TSNARE1: variants seen among roughly 807,000 people sequenced by gnomAD.
TSNARE1 encodes the protein t-SNARE domain-containing protein 1.
A neutral mutation model predicts 62.0 loss-of-function variants in TSNARE1; 49 were observed. The observed-to-expected ratio is 0.79, with a 90% confidence interval of 0.63 to 1.00. The LOEUF is 1.00. Ranked by LOEUF, TSNARE1 falls within the 50% of genes least tolerant of loss-of-function variation. The pLI, the probability that TSNARE1 is intolerant of heterozygous loss-of-function variation, is 0.00. For missense variants in TSNARE1, 755 were observed against 700.1 expected, an observed-to-expected ratio of 1.08 and a Z score of -0.88; for synonymous variants, 328 against 294.4, an observed-to-expected ratio of 1.11 and a Z score of -1.17.
chr8:142,287,609 T>A (rs79417621), intron 10 of TSNARE1, among the ~76,000 whole-genome samples: 138 of 50,196 alleles, frequency 2.7e-3, no homozygotes, highest in African/African-American at 6.3e-3. Context: ...GCCCTCCAGG[T>A]CGTGGAACCC....
intron 1 of TSNARE1, among the ~76,000 whole-genome samples, chr8:142,380,868 A>C (rs1295715796): frequency 6.6e-6 from 1 of 152,044 alleles, no homozygotes; most frequent in Non-Finnish European, 1.5e-5. Context: ...AAGTGAGATA[A>C]AGTCCTTTTA....
intron 4 of TSNARE1, among the ~76,000 whole-genome samples, chr8:142,335,452 C>A (rs188774743): frequency 6.6e-6 from 1 of 152,104 alleles, no homozygotes; most frequent in East Asian, 1.9e-4. Context: ...GGACATGATA[C>A]GGTGCTACTT....
chr8:142,238,299 T>G (rs1263852700), intron 12 of TSNARE1, among the ~76,000 whole-genome samples: 2 of 152,086 alleles, frequency 1.3e-5, no homozygotes, highest in Admixed American at 6.6e-5. Context: ...CACATCCTCC[T>G]GGCTCCTGGG....
chr8:142,389,370 G>C (rs1362457165), intron 1 of TSNARE1, among the ~76,000 whole-genome samples: 1 of 152,010 alleles, frequency 6.6e-6, no homozygotes, highest in Non-Finnish European at 1.5e-5. Flanking sequence ...CAAAAGCAAA[G>C]GCAATAAAAG....
Position 142,319,820 on chromosome 8 carries a change from G to C in TSNARE1, c.894-1186C>G, listed in dbSNP as rs1402567072. Among the ~76,000 whole-genome samples, 3 of 152,178 alleles carry C rather than the reference G, an allele frequency of 2.0e-5. No homozygotes were observed. The East Asian group carries it at 5.8e-4, about 29-fold the overall frequency. The stretch of plus-strand genomic sequence containing the variant: ...CCCAGAACAGGCACCCAGCAGGCTA[G>C]AGAGGGTGTGGGCCAAGGAGGGCAA... On this transcript the variant is annotated intron_variant, in intron 6 of 13. Transcript: ENST00000524325. The surrounding 1 kb of genome is among the most constrained non-coding windows in gnomAD (Gnocchi z 4.9).
chr8:142,247,032 G>A (rs1315507926), intron 12 of TSNARE1, among the ~76,000 whole-genome samples: 2 of 152,184 alleles, frequency 1.3e-5, no homozygotes, highest in African/African-American at 2.4e-5. Flanking sequence ...ATGGCCAGAC[G>A]ATGTCCTGTA....
intron 13 of TSNARE1, among the ~76,000 whole-genome samples, chr8:142,213,222 C>G (rs1412394203): frequency 1.6e-5 from 1 of 64,062 alleles, no homozygotes; most frequent in Non-Finnish European, 3.0e-5. Context: ...GCCTCCCTCT[C>G]TCCCCTCCGA....
At chr8:142,374,988 T>C (rs1587068351) in intron 1 of TSNARE1, among the ~76,000 whole-genome samples, 1 of 152,224 alleles carries the variant, frequency 6.6e-6, no homozygotes. Context: ...CTGTCCCCTT[T>C]CCCCAGGGAG....
intron 12 of TSNARE1, among the ~76,000 whole-genome samples, chr8:142,239,458 CG>C (rs1430052458): frequency 6.6e-6 from 1 of 152,184 alleles, no homozygotes; most frequent in African/African-American, 2.4e-5. Context: ...GGGGCTAGGA[CG>C]ATGTCTAACC....
At chr8:142,360,333 C>A (rs1239376505) in intron 1 of TSNARE1, among the ~76,000 whole-genome samples, 1 of 152,120 alleles carries the variant, frequency 6.6e-6, no homozygotes, top group South Asian at 2.1e-4. Context: ...AAGGGCAGAG[C>A]GGGCACTGGC....
chr8:142,256,352 TCATTATCAC>T (rs1379007003), intron 12 of TSNARE1, among the ~76,000 whole-genome samples: 82 of 858 alleles, frequency 0.096, 1 homozygote, highest in Non-Finnish European at 0.12. Context: ...ATCATCACCA[TCATTATCAC>T]CACCATCATC....
At chr8:142,221,403 A>T (rs1816204475) in intron 13 of TSNARE1, among the ~76,000 whole-genome samples, 1 of 152,244 alleles carries the variant, frequency 6.6e-6, no homozygotes, top group Non-Finnish European at 1.5e-5. Flanking sequence ...ATGGAAATCA[A>T]TGGCTTTGAG....
In TSNARE1 at chr8:142,278,430, CG is replaced by C. The variant is rs1820851573; in HGVS notation, c.1364-3568del. 3 of 985,356 alleles carry C rather than the reference CG, an allele frequency of 3.0e-6. No homozygotes were observed. In the South Asian group the frequency reaches 1.4e-4, roughly 46 times the overall value. The allele number at this position is 985,356 out of a possible 1,614,324, so 61.0% of individuals were successfully genotyped here. A position where few individuals can be genotyped will look rare whatever the true frequency, so the allele number is the denominator to read the frequency against. On this transcript the variant is annotated intron_variant, in intron 11 of 13. Transcript: ENST00000524325. ...GCCCTCAAGGAGCTGGTCCTGCTTC[CG>C]GGGCTTCGTTCCCAAAGTCCTTCCA...
At chr8:142,339,302 G>A (rs949433315) in intron 4 of TSNARE1, among the ~76,000 whole-genome samples, 7 of 152,086 alleles carry the variant, frequency 4.6e-5, no homozygotes, top group African/African-American at 1.4e-4. Flanking sequence ...CGAAGTTGAC[G>A]TTGACTAAGC....
intron 12 of TSNARE1, chr8:142,270,614 T>C: frequency 4.1e-6 from 4 of 985,326 alleles, no homozygotes; most frequent in Non-Finnish European, 4.8e-6. Flanking sequence ...CAAGTGTGCA[T>C]GCCCACCAAA....
chr8:142,333,407 T>G (rs1478813087), intron 4 of TSNARE1, among the ~76,000 whole-genome samples: 3 of 152,152 alleles, frequency 2.0e-5, no homozygotes, highest in Admixed American at 6.5e-5. Flanking sequence ...CTCTGCAAGT[T>G]TACAATTTTC....
intron 4 of TSNARE1, among the ~76,000 whole-genome samples, chr8:142,336,701 G>T (rs1262513202): frequency 6.6e-6 from 1 of 152,144 alleles, no homozygotes; most frequent in Admixed American, 6.5e-5. Flanking sequence ...CCTAACCCAC[G>T]CAACAGGAGA....
At chr8:142,363,096 G>A (rs767168971) in intron 1 of TSNARE1, among the ~76,000 whole-genome samples, 6 of 152,168 alleles carry the variant, frequency 3.9e-5, no homozygotes, top group Non-Finnish European at 8.8e-5. Flanking sequence ...CCGCCAGCAC[G>A]GAAGAGGATC....
At chr8:142,346,656 C>T (rs1306804483) in intron 2 of TSNARE1, among the ~76,000 whole-genome samples, 1 of 152,256 alleles carries the variant, frequency 6.6e-6, no homozygotes, top group Non-Finnish European at 1.5e-5. Flanking sequence ...CTGTTCTTCC[C>T]GGGACGTGTC....
Sources: allele counts gnomAD v4.1 joint callset (sites outside exome capture counted in the v4.1 genomes callset), GRCh38; gene constraint gnomAD v4.1.1; non-coding constraint Gnocchi (gnomAD v3.1); transcripts MANE v1.5; gene names NCBI Gene and HGNC (gene_info 2026-07-23, HGNC 2026-07-21).